The following STXBP5L variants were observed in gnomAD, a reference collection of about 807,000 sequenced individuals.
STXBP5L encodes the protein syntaxin binding protein 5L.
STXBP5L carries 65 observed loss-of-function variants against 144.5 expected under a neutral mutation model. The ratio of observed to expected loss-of-function variants is 0.45; its 90% confidence interval spans 0.37 to 0.55. STXBP5L has a LOEUF of 0.55. Among genes scored for constraint, STXBP5L ranks in the 20% least tolerant of loss-of-function variants. The probability of loss-of-function intolerance (pLI) is 0.00; values close to 1 mark genes in which losing one functional copy is unlikely to be tolerated. For synonymous variants in STXBP5L, 505 were observed against 469.6 expected (o/e 1.08, Z -0.97); for missense variants, 1,298 against 1,405.5 (o/e 0.92, Z 1.22).
chr3:121,294,136 A>G (rs994653379), intron 19 of STXBP5L, among the ~76,000 whole-genome samples: 1 of 152,244 alleles, frequency 6.6e-6, no homozygotes, highest in Non-Finnish European at 1.5e-5. Context: ...TTGTGGAGCC[A>G]AAAAGGAAAG....
chr3:121,134,407 CTTT>C (rs894451148), intron 7 of STXBP5L, among the ~76,000 whole-genome samples: 1 of 151,314 alleles, frequency 6.6e-6, no homozygotes, highest in Non-Finnish European at 1.5e-5. Context: ...GATTAAATTT[CTTT>C]TTTTTTAATT....
At chr3:121,293,454 A>G (rs1440551933) in intron 19 of STXBP5L, among the ~76,000 whole-genome samples, 2 of 79,262 alleles carry the variant, frequency 2.5e-5, no homozygotes, top group Non-Finnish European at 4.8e-5. Flanking sequence ...ATGTATTCAA[A>G]TAGTACATTT....
At position 121,191,145 on chromosome 3, in the gene STXBP5L, G is replaced by A. The variant is rs376200223; in HGVS notation, c.878-14778G>A. Among the ~76,000 whole-genome samples, 28 of 152,296 alleles carry A rather than the reference G, an allele frequency of 1.8e-4. No homozygotes were observed. The East Asian group carries it at 4.3e-3, about 23-fold the overall frequency. ...TCACTTTCTAGACAGGGTGGCGGCC[G>A]GGCAGAGGCTGCAATCTCGGCACTT... On this transcript the variant is annotated intron_variant, in intron 9 of 26. Transcript: ENST00000471454.
chr3:121,310,476 G>T (rs1416179006), intron 19 of STXBP5L, among the ~76,000 whole-genome samples: 1 of 152,172 alleles, frequency 6.6e-6, no homozygotes, highest in African/African-American at 2.4e-5. Context: ...CAGGCATGGT[G>T]GCGGACACCT....
chr3:120,980,717 A>G (rs1291717024), intron 3 of STXBP5L, among the ~76,000 whole-genome samples: 2 of 152,082 alleles, frequency 1.3e-5, no homozygotes, highest in Non-Finnish European at 2.9e-5. Context: ...GTTAATATTC[A>G]TATGTGAGGT....
At chr3:120,915,957 A>G (rs972335101) in intron 2 of STXBP5L, among the ~76,000 whole-genome samples, 8 of 152,182 alleles carry the variant, frequency 5.3e-5, no homozygotes, top group Non-Finnish European at 1.0e-4. Context: ...GTATTTTGAC[A>G]TGTTTATTAT....
At chr3:121,030,627 A>G (rs1946299658) in intron 3 of STXBP5L, among the ~76,000 whole-genome samples, 1 of 152,106 alleles carries the variant, frequency 6.6e-6, no homozygotes. Flanking sequence ...GTGTATACCT[A>G]TGTAACAAAC....
intron 20 of STXBP5L, among the ~76,000 whole-genome samples, chr3:121,342,795 C>A (rs1289112048): frequency 6.9e-6 from 1 of 145,470 alleles, no homozygotes; most frequent in African/African-American, 2.6e-5. Context: ...TGAATAGTGC[C>A]ACAATAAACA....
intron 18 of STXBP5L, among the ~76,000 whole-genome samples, chr3:121,277,368 A>G (rs2050917649): frequency 6.6e-6 from 1 of 151,970 alleles, no homozygotes; most frequent in Non-Finnish European, 1.5e-5. Flanking sequence ...TAACGTATTA[A>G]TTTTGGGAAA....
In STXBP5L at chr3:121,206,000, AG is replaced by A; in HGVS notation, c.956+1del. ...AGTAGAATACAAGACCTGCAAAAAC[AG>A]GTATGCATTTTTACTTTAGGGAAAG... ...LKVEYKTCKN[S>X]EPFIIFSGGL... On this transcript the variant is annotated frameshift_variant and splice_region_variant, in exon 10 of 27. Coordinates refer to ENST00000471454, the MANE Select transcript of STXBP5L (RefSeq NM_001308330.2). LOFTEE classifies it high-confidence loss of function. The A allele has an allele frequency of 6.7e-7, 1 of 1,497,496 alleles. No homozygotes were observed. The highest frequency in any genetic ancestry group is 8.9e-7 in the Non-Finnish European group (1 of 1,126,250). The allele number at this position is 1,497,496 out of a possible 1,614,324, so 92.8% of individuals were successfully genotyped here.
At chr3:121,011,914 T>C (rs1294457584) in intron 3 of STXBP5L, among the ~76,000 whole-genome samples, 4 of 151,820 alleles carry the variant, frequency 2.6e-5, no homozygotes, top group Non-Finnish European at 5.9e-5. Flanking sequence ...TTTTAGAACA[T>C]TTCCATCACT....
intron 9 of STXBP5L, among the ~76,000 whole-genome samples, chr3:121,159,900 G>A (rs553924810): frequency 2.8e-4 from 43 of 152,174 alleles, no homozygotes; most frequent in African/African-American, 1.0e-3. Context: ...CCAAAGTGCT[G>A]GGATTACAGG....
At chr3:120,959,555 T>G (rs1408097147) in intron 3 of STXBP5L, among the ~76,000 whole-genome samples, 3 of 152,214 alleles carry the variant, frequency 2.0e-5, no homozygotes, top group Non-Finnish European at 4.4e-5. Flanking sequence ...AAAACAGAGA[T>G]ATAGACCAAT....
chr3:120,967,739 T>A (rs557517570), intron 3 of STXBP5L, among the ~76,000 whole-genome samples: 1 of 152,154 alleles, frequency 6.6e-6, no homozygotes, highest in Non-Finnish European at 1.5e-5. Context: ...TTTTTATTGC[T>A]ATAAACAACT....
At chr3:121,083,139 C>T (rs1040473027) in intron 5 of STXBP5L, among the ~76,000 whole-genome samples, 2 of 151,962 alleles carry the variant, frequency 1.3e-5, no homozygotes, top group African/African-American at 4.8e-5. Flanking sequence ...GTGGAGGTTG[C>T]AGTGAGCCAA....
At chr3:121,416,869 A>G (rs1243514523) in intron 25 of STXBP5L, among the ~76,000 whole-genome samples, 1 of 152,162 alleles carries the variant, frequency 6.6e-6, no homozygotes. Flanking sequence ...AGGTATGAAT[A>G]TATTTTCCAG....
At chr3:120,919,190 T>A (rs1709247570) in intron 2 of STXBP5L, among the ~76,000 whole-genome samples, 1 of 152,002 alleles carries the variant, frequency 6.6e-6, no homozygotes, top group African/African-American at 2.4e-5. Flanking sequence ...AATAAATAAA[T>A]AATTTGAGGG....
intron 3 of STXBP5L, among the ~76,000 whole-genome samples, chr3:120,971,998 G>A (rs1940328585): frequency 6.6e-6 from 1 of 151,850 alleles, no homozygotes; most frequent in African/African-American, 2.4e-5. Flanking sequence ...TGTGACAAAC[G>A]GGGAATGTGA....
intron 7 of STXBP5L, among the ~76,000 whole-genome samples, chr3:121,136,768 C>T (rs1196412621): frequency 6.6e-6 from 1 of 152,168 alleles, no homozygotes; most frequent in Non-Finnish European, 1.5e-5. Context: ...ACCATAAAGA[C>T]ACATGCGTGT....
Sources: allele counts gnomAD v4.1 joint callset (sites outside exome capture counted in the v4.1 genomes callset), GRCh38; gene constraint gnomAD v4.1.1; transcripts MANE v1.5; gene names NCBI Gene and HGNC (gene_info 2026-07-23, HGNC 2026-07-21).